The following PCDHA13 variants were observed in gnomAD, a reference collection of about 807,000 sequenced individuals.
PCDHA13 encodes protocadherin alpha 13.
PCDHA13 carries 54 observed loss-of-function variants against 64.8 expected under a neutral mutation model. The observed-to-expected ratio is 0.83, with a 90% confidence interval of 0.67 to 1.04. The LOEUF is 1.04. PCDHA13 is among the 50% of genes least tolerant of loss of function. The pLI, the probability that PCDHA13 is intolerant of heterozygous loss-of-function variation, is 0.00. For missense variants in PCDHA13, 1,248 were observed against 1,254.3 expected, an observed-to-expected ratio of 0.99 and a Z score of 0.08; for synonymous variants, 587 against 564.4, an observed-to-expected ratio of 1.04 and a Z score of -0.57.
Position 140,927,631 on chromosome 5 carries a change from C to T in PCDHA13, c.2394+42969C>T, listed in dbSNP as rs760961070. 1.7e-5 allele frequency: 28 copies of T among 1,614,068 alleles called. No homozygotes were observed. In the Admixed American group the frequency reaches 2.5e-4, roughly 14 times the overall value. On this transcript the variant is annotated intron_variant, in intron 1 of 3. Coordinates refer to ENST00000289272, the MANE Select transcript of PCDHA13 (RefSeq NM_018904.3). ...CCGCACCAAGGTTCCAGAGACTGCA[C>T]CCAATGGGACTGTGTTATTCCGAGT...
At position 140,906,523 on chromosome 5, in the gene PCDHA13, C is replaced by T. The variant is rs145617697; in HGVS notation, c.2394+21861C>T. Among the ~76,000 whole-genome samples, 1,221 of 152,284 alleles carry T rather than the reference C, an allele frequency of 8.0e-3. 6 individuals are homozygous for T. The highest frequency in any genetic ancestry group is 0.019 in the African/African-American group (786 of 41,540). On this transcript the variant is annotated intron_variant, in intron 1 of 3. Transcript: ENST00000289272. ...TTAACAAAGAAGGAGGAAATACTCA[C>T]GACAATTAAAATCCTCATTTCTGCA...
In PCDHA13 at chr5:140,953,934, C is replaced by T. The variant is rs2094953906; in HGVS notation, c.2395-25015C>T. 2.6e-5 allele frequency among the ~76,000 whole-genome samples: 4 copies of T among 152,200 alleles called. No homozygotes were observed. The South Asian group carries it at 8.3e-4, about 32-fold the overall frequency. On this transcript the variant is annotated intron_variant, in intron 1 of 3. Transcript: ENST00000289272. ...TTAGGTATTCTTCCTGATGCTCTCC[C>T]TCCCATTGCTCCCCCAACAGGCCCC...
chr5:140,939,560 T>C (rs2153641939), intron 1 of PCDHA13, among the ~76,000 whole-genome samples: 1 of 151,934 alleles, frequency 6.6e-6, no homozygotes, highest in African/African-American at 2.4e-5. Flanking sequence ...TGTATTAGTT[T>C]GGTTAATCAA....
At chr5:140,919,932 C>A (rs2079357842) in intron 1 of PCDHA13, among the ~76,000 whole-genome samples, 1 of 151,968 alleles carries the variant, frequency 6.6e-6, no homozygotes, top group Non-Finnish European at 1.5e-5. Flanking sequence ...CAGGTGGGGG[C>A]TAATTCCAGT....
chr5:140,969,177 A>C, intron 1 of PCDHA13: 2 of 1,614,086 alleles, frequency 1.2e-6, no homozygotes, highest in Non-Finnish European at 1.7e-6. Flanking sequence ...TCAGGGAGTG[A>C]CACTTTCATG....
At chr5:140,978,648 T>C (rs2096814311) in intron 1 of PCDHA13, among the ~76,000 whole-genome samples, 1 of 152,264 alleles carries the variant, frequency 6.6e-6, no homozygotes, top group African/African-American at 2.4e-5. Flanking sequence ...CAGACTGTTC[T>C]TCCCGTAGTG....
intron 1 of PCDHA13, among the ~76,000 whole-genome samples, chr5:140,895,314 G>A (rs2064960648): frequency 6.6e-6 from 1 of 151,858 alleles, no homozygotes; most frequent in Non-Finnish European, 1.5e-5. Context: ...TTCCACCCAT[G>A]ACTATTGTTC....
At chr5:140,985,180 G>A (rs782679962) in intron 3 of PCDHA13, among the ~76,000 whole-genome samples, 1 of 152,028 alleles carries the variant, frequency 6.6e-6, no homozygotes, top group Non-Finnish European at 1.5e-5. Flanking sequence ...CTCGTAATCC[G>A]CCTGCCTCGG....
intron 1 of PCDHA13, among the ~76,000 whole-genome samples, chr5:140,912,581 T>C (rs2075985656): frequency 6.6e-6 from 1 of 152,178 alleles, no homozygotes; most frequent in Admixed American, 6.5e-5. Flanking sequence ...CTTTTCCAAT[T>C]TGGATGCCCT....
intron 1 of PCDHA13, among the ~76,000 whole-genome samples, chr5:140,893,162 G>A (rs2063851714): frequency 6.6e-6 from 1 of 152,202 alleles, no homozygotes; most frequent in Non-Finnish European, 1.5e-5. Flanking sequence ...GGATATTGAG[G>A]TTGATTCCAC....
intron 1 of PCDHA13, among the ~76,000 whole-genome samples, chr5:140,963,448 A>G (rs567394961): frequency 1.3e-5 from 2 of 152,370 alleles, no homozygotes; most frequent in Non-Finnish European, 2.9e-5. Flanking sequence ...CTCTGTTGCT[A>G]AAGTATTTCT....
At chr5:140,969,593 T>C (rs2153780223) in intron 1 of PCDHA13, 1 of 829,524 alleles carries the variant, frequency 1.2e-6, no homozygotes, top group Non-Finnish European at 1.8e-6. Context: ...AGTCTTAATA[T>C]TTAATGCTAA....
At chr5:140,982,336 A>G in intron 2 of PCDHA13, 139 bp from the exon 3 acceptor site, 1 of 1,449,074 alleles carries the variant, frequency 6.9e-7, no homozygotes, top group Non-Finnish European at 9.2e-7. Context: ...GCTCAGCAGT[A>G]ATTGCTTCAG....
At chr5:140,966,569 G>A in intron 1 of PCDHA13, 1 of 500,346 alleles carries the variant, frequency 2.0e-6, no homozygotes, top group Non-Finnish European at 3.3e-6. Flanking sequence ...TGGAATATGG[G>A]GAGTCAGCGA....
At chr5:140,968,162 C>A in intron 1 of PCDHA13, 1 of 1,614,122 alleles carries the variant, frequency 6.2e-7, no homozygotes, top group East Asian at 2.2e-5. Flanking sequence ...CAATGACAAT[C>A]CACCAAGCTT....
chr5:140,904,047 A>C (rs1554191240), intron 1 of PCDHA13, among the ~76,000 whole-genome samples: 1 of 152,164 alleles, frequency 6.6e-6, no homozygotes, highest in Admixed American at 6.6e-5. Flanking sequence ...TAATTTTTTT[A>C]TTTCAATGGG....
intron 1 of PCDHA13, among the ~76,000 whole-genome samples, chr5:140,920,853 A>C (rs375783359): frequency 1.3e-5 from 2 of 152,062 alleles, no homozygotes; most frequent in African/African-American, 4.8e-5. Flanking sequence ...AAAAAAAAAA[A>C]AAAAACAAAC....
intron 1 of PCDHA13, among the ~76,000 whole-genome samples, chr5:140,918,436 A>T (rs2078697265): frequency 6.6e-6 from 1 of 152,092 alleles, no homozygotes; most frequent in Admixed American, 6.6e-5. Context: ...GTTGAATAGG[A>T]GTGGTGACAG....
chr5:140,938,025 C>A (rs1431326044), intron 1 of PCDHA13, among the ~76,000 whole-genome samples: 5 of 151,978 alleles, frequency 3.3e-5, no homozygotes, highest in Non-Finnish European at 7.4e-5. Context: ...AGTAAAATCT[C>A]ATATTTTTAT....
Sources: allele counts gnomAD v4.1 joint callset (sites outside exome capture counted in the v4.1 genomes callset), GRCh38; gene constraint gnomAD v4.1.1; transcripts MANE v1.5; gene names NCBI Gene and HGNC (gene_info 2026-07-23, HGNC 2026-07-21).